MREG: variants seen among roughly 807,000 people sequenced by gnomAD.
MREG encodes melanoregulin.
A neutral mutation model predicts 28.5 loss-of-function variants in MREG; 31 were observed. The observed-to-expected ratio is 1.09, with a 90% CI of 0.82 to 1.47. The LOEUF is 1.47. Among genes scored for constraint, MREG ranks in the 40% most tolerant of loss-of-function variants. The pLI is 0.00. For synonymous variants in MREG, 106 were observed against 95.2 expected, an observed-to-expected ratio of 1.11 and a Z score of -0.66; for missense variants, 256 against 257.4, an observed-to-expected ratio of 0.99 and a Z score of 0.04.
chr2:215,993,932 G>A (rs1211555793), intron 2 of MREG, among the ~76,000 whole-genome samples: 1 of 152,210 alleles, frequency 6.6e-6, no homozygotes, highest in Non-Finnish European at 1.5e-5. Flanking sequence ...GGAGAGATGT[G>A]GAGAAATAGG....
chr2:216,008,725 T>C (rs371418025), intron 1 of MREG, among the ~76,000 whole-genome samples: 14 of 152,342 alleles, frequency 9.2e-5, no homozygotes, highest in African/African-American at 3.1e-4. Context: ...AAAAAGGAAT[T>C]GATCAGGACC....
At chr2:215,953,986 T>C (rs112952293) in intron 2 of MREG, among the ~76,000 whole-genome samples, 2 of 152,322 alleles carry the variant, frequency 1.3e-5, no homozygotes, top group African/African-American at 4.8e-5. Flanking sequence ...TCTGCCCAGA[T>C]CCCAATCTTT....
intron 1 of MREG, among the ~76,000 whole-genome samples, chr2:216,023,457 G>A (rs544848394): frequency 6.6e-6 from 1 of 152,268 alleles, no homozygotes; most frequent in African/African-American, 2.4e-5. Flanking sequence ...GCTAAATTGA[G>A]CAATAAGTAA....
intron 1 of MREG, among the ~76,000 whole-genome samples, chr2:216,005,269 G>C (rs1476720467): frequency 1.3e-5 from 2 of 152,114 alleles, no homozygotes; most frequent in South Asian, 2.1e-4. Flanking sequence ...AGAACACACA[G>C]TTTGATCCCA....
rs942499129 is a variant in MREG, at chr2:215,945,620, T to C, written c.461A>G (p.Asn154Ser). ...EMLLKLAEET[N>S]IFPTSWELSE... ...GAGCTCCCAACTTGTTGGGAAAATA[T>C]TGGTTTCTTCAGCCAGTTTTAACAA... Residue 154 changes from asparagine (N) to serine (S), a missense_variant, in exon 4 of 5, where the codon AAT becomes AGT. Transcript: ENST00000263268. 33 of 1,613,866 alleles carry C rather than the reference T, an allele frequency of 2.0e-5. No homozygotes were observed. In the East Asian group the frequency reaches 3.3e-4, roughly 16 times the overall value.
chr2:215,963,446 A>C (rs2372679), intron 2 of MREG, among the ~76,000 whole-genome samples: 91 of 6,418 alleles, frequency 0.014, 1 homozygote, highest in Non-Finnish European at 2.8e-3. Flanking sequence ...AAAAAAAAAA[A>C]AAAAAAAAAC....
intron 2 of MREG, among the ~76,000 whole-genome samples, chr2:215,993,402 C>T (rs967657066): frequency 6.6e-6 from 1 of 152,162 alleles, no homozygotes; most frequent in South Asian, 2.1e-4. Context: ...CTTCCTTATA[C>T]CTTACACAAA....
intron 1 of MREG, among the ~76,000 whole-genome samples, chr2:216,019,749 C>A (rs1694495179): frequency 6.6e-6 from 1 of 152,146 alleles, no homozygotes; most frequent in Admixed American, 6.5e-5. Context: ...ACGTGATCAG[C>A]CCGCCTAGGC....
chr2:215,986,294 C>T (rs1166139710), intron 2 of MREG, among the ~76,000 whole-genome samples: 1 of 152,040 alleles, frequency 6.6e-6, no homozygotes, highest in African/African-American at 2.4e-5. Context: ...TTAAAAATTC[C>T]AGTATTTGTG....
intron 2 of MREG, among the ~76,000 whole-genome samples, chr2:215,976,674 G>A (rs550894140): frequency 4.6e-5 from 7 of 152,154 alleles, no homozygotes; most frequent in Non-Finnish European, 1.0e-4. Flanking sequence ...GACTAACAGC[G>A]GATCTCTCAG....
intron 2 of MREG, among the ~76,000 whole-genome samples, chr2:215,984,767 A>G (rs1693523164): frequency 6.6e-6 from 1 of 152,334 alleles, no homozygotes; most frequent in Admixed American, 6.5e-5. Flanking sequence ...AACTTGGGAA[A>G]AATGTGTGTT....
intron 2 of MREG, among the ~76,000 whole-genome samples, chr2:215,967,417 T>C (rs552077378): frequency 6.6e-6 from 1 of 152,340 alleles, no homozygotes; most frequent in African/African-American, 2.4e-5. Context: ...TAATCTCACA[T>C]AATAGAGCAC....
At chr2:215,979,462 T>TAAAAAA in intron 2 of MREG, among the ~76,000 whole-genome samples, 1 of 97,134 alleles carries the variant, frequency 1.0e-5, no homozygotes, top group South Asian at 2.8e-4. Flanking sequence ...AAACTCCATC[T>TAAAAAA]CAAAAAATAA....
downstream of MREG, among the ~76,000 whole-genome samples, chr2:215,942,558 T>C (rs1692211682): frequency 6.6e-6 from 1 of 152,220 alleles, no homozygotes; most frequent in African/African-American, 2.4e-5. Context: ...TCCCTTCTTA[T>C]GTCAGAAATA....
At chr2:216,006,234 A>G (rs1410481668) in intron 1 of MREG, among the ~76,000 whole-genome samples, 2 of 152,212 alleles carry the variant, frequency 1.3e-5, no homozygotes, top group African/African-American at 4.8e-5. Flanking sequence ...GAGAAGAGGG[A>G]CGCTGTGGCT....
chr2:215,974,096 T>G (rs112013277), intron 2 of MREG, among the ~76,000 whole-genome samples: 5 of 152,192 alleles, frequency 3.3e-5, no homozygotes, highest in Non-Finnish European at 7.3e-5. Context: ...TAATTCGACA[T>G]AGCAATTATT....
At chr2:216,005,293 T>G (rs1203101596) in intron 1 of MREG, among the ~76,000 whole-genome samples, 1 of 152,130 alleles carries the variant, frequency 6.6e-6, no homozygotes, top group African/African-American at 2.4e-5. Flanking sequence ...ATGCAAAGTT[T>G]AAAGGCAGGC....
At chr2:215,962,371 A>G (rs1054936897) in intron 2 of MREG, among the ~76,000 whole-genome samples, 5 of 152,218 alleles carry the variant, frequency 3.3e-5, no homozygotes, top group African/African-American at 1.2e-4. Context: ...AGCAAAACTC[A>G]GGATGAGATT....
chr2:215,994,977 G>C (rs78714734), intron 2 of MREG, among the ~76,000 whole-genome samples: 16 of 152,296 alleles, frequency 1.1e-4, no homozygotes, highest in African/African-American at 3.9e-4. Flanking sequence ...GAAAAGAGAA[G>C]AAATGACTCT....
Sources: allele counts gnomAD v4.1 joint callset (sites outside exome capture counted in the v4.1 genomes callset), GRCh38; gene constraint gnomAD v4.1.1; transcripts MANE v1.5; gene names NCBI Gene and HGNC (gene_info 2026-07-23, HGNC 2026-07-21).